The following MOBP variants were observed in gnomAD, a reference collection of about 807,000 sequenced individuals.
MOBP encodes myelin-associated oligodendrocyte basic protein.
Under a neutral mutation model 15.0 loss-of-function variants are expected in MOBP, and 5 were observed. The observed-to-expected ratio is 0.33, with a 90% CI of 0.17 to 0.70. The LOEUF (loss-of-function observed/expected upper bound fraction) is 0.70, where lower values mean the gene tolerates loss of function less well. MOBP is among the 30% of genes least tolerant of loss of function. MOBP has a pLI of 0.67. For missense variants in MOBP, 188 were observed against 257.8 expected (o/e 0.73, Z 1.85); for synonymous variants, 88 against 99.0 (o/e 0.89, Z 0.66).
chr3:39,515,109 C>G (rs1009481027), exon 5 of MOBP: 13 of 152,240 alleles, frequency 8.5e-5, no homozygotes, highest in Non-Finnish European at 7.3e-5. Flanking sequence ...CCCTGAGGAG[C>G]CTGACCACTG....
At position 39,469,069 on chromosome 3, in the gene MOBP, CAT is replaced by C. The variant is rs552643179; in HGVS notation, c.-89+1332_-89+1333del. Among the ~76,000 whole-genome samples, 94 of 35,598 alleles carry C rather than the reference CAT, an allele frequency of 2.6e-3. 24 individuals are homozygous for C. In the South Asian group the frequency reaches 0.032, roughly 12 times the overall value. The allele number at this position is 35,598 out of a possible 152,430, so 23.4% of individuals were successfully genotyped here. ...ATATGTGTGTGTATATACATATATACATATGTGTGTGTGTATATACATATATA... is the reference window on the plus strand; with the variant it reads ...ATATGTGTGTGTATATACATATATACATGTGTGTGTGTATATACATATATA... On this transcript the variant is annotated intron_variant, in intron 1 of 3. Transcript: ENST00000684792.
intron 1 of MOBP, among the ~76,000 whole-genome samples, chr3:39,471,130 TC>T (rs2042463168): frequency 1.2e-5 from 1 of 86,356 alleles, no homozygotes; most frequent in South Asian, 4.5e-4. Context: ...AAAAGAAAAG[TC>T]TTTTTTTTTT....
chr3:39,510,885 T>C (rs1008459356), intron 4 of MOBP, among the ~76,000 whole-genome samples: 1 of 152,256 alleles, frequency 6.6e-6, no homozygotes, highest in Admixed American at 6.5e-5. Flanking sequence ...CTCTCTGGCT[T>C]ATTACAAGGG....
At chr3:39,473,963 A>T (rs998768470) in intron 1 of MOBP, among the ~76,000 whole-genome samples, 2 of 152,236 alleles carry the variant, frequency 1.3e-5, no homozygotes, top group East Asian at 3.8e-4. Context: ...TTACACAAGT[A>T]AAGTGAGCTG....
At chr3:39,500,639 A>ATGAG (rs975182453) in intron 2 of MOBP, among the ~76,000 whole-genome samples, 1 of 152,184 alleles carries the variant, frequency 6.6e-6, no homozygotes, top group Non-Finnish European at 1.5e-5. Context: ...GGGTGCACTG[A>ATGAG]TGAGTGAGTG....
At chr3:39,474,699 CTGTT>C (rs1206764927) in intron 1 of MOBP, among the ~76,000 whole-genome samples, 1 of 152,130 alleles carries the variant, frequency 6.6e-6, no homozygotes, top group Non-Finnish European at 1.5e-5. Context: ...TATAGTATGT[CTGTT>C]TATGTATTGT....
chr3:39,482,155 C>A (rs959870469), intron 2 of MOBP, among the ~76,000 whole-genome samples: 1 of 152,242 alleles, frequency 6.6e-6, no homozygotes, highest in South Asian at 2.1e-4. Flanking sequence ...CTTCCAACAC[C>A]CATCTAGTTG....
exon 5 of MOBP, chr3:39,515,075 A>G (rs1483400297): frequency 6.6e-6 from 1 of 152,196 alleles, no homozygotes; most frequent in Non-Finnish European, 1.5e-5. Flanking sequence ...CTCTCACACA[A>G]AAATACTCGG....
intron 2 of MOBP, among the ~76,000 whole-genome samples, chr3:39,499,262 G>A (rs1474075885): frequency 1.3e-5 from 2 of 152,136 alleles, no homozygotes; most frequent in African/African-American, 4.8e-5. Flanking sequence ...CTTGGGGAAG[G>A]GCTTAGCAGA....
In MOBP at chr3:39,502,999, T is replaced by A. The variant is rs115376156; in HGVS notation, c.*119T>A. ...TTATTACCCAACCTGTGTAATCAGC[T>A]CCCTCCATTAAATCCCCTCTGTTTG... On this transcript the variant is annotated 3_prime_UTR_variant, in exon 4 of 4. Transcript: ENST00000684792. The surrounding 1 kb of genome is among the most constrained non-coding windows in gnomAD (Gnocchi z 6.3). The A allele has an allele frequency of 1.7e-3, 1,009 of 584,038 alleles. 9 individuals are homozygous for A. The highest frequency in any genetic ancestry group is 0.016 in the African/African-American group (850 of 52,692). 36.2% of individuals were successfully genotyped at this position (584,038 alleles called of 1,614,324 possible). A position where few individuals can be genotyped will look rare whatever the true frequency, so the allele number is the denominator to read the frequency against.
At chr3:39,520,549 T>TGTGTGTGTGG (rs2043252854), downstream of MOBP, among the ~76,000 whole-genome samples, 1 of 139,388 alleles carries the variant, frequency 7.2e-6, no homozygotes, top group African/African-American at 3.1e-5. Flanking sequence ...TGTGTGTGTG[T>TGTGTGTGTGG]GTGTGTGTAT....
intron 2 of MOBP, among the ~76,000 whole-genome samples, chr3:39,500,800 A>G (rs887581011): frequency 2.6e-5 from 4 of 152,268 alleles, no homozygotes; most frequent in Non-Finnish European, 5.9e-5. Context: ...TGAGTATGTT[A>G]AAAGCTGACA....
intron 2 of MOBP, among the ~76,000 whole-genome samples, chr3:39,482,651 CAAAAAAAA>C (rs10576821): frequency 1.2e-5 from 1 of 80,400 alleles, no homozygotes; most frequent in Non-Finnish European, 2.5e-5. Flanking sequence ...CACTCTGTCT[CAAAAAAAA>C]AAAAAAAAAA....
chr3:39,522,655 ATAAT>A (rs2125676370), intron 3 of MOBP, among the ~76,000 whole-genome samples: 1 of 152,364 alleles, frequency 6.6e-6, no homozygotes, highest in South Asian at 2.1e-4. Flanking sequence ...TTTAAAAAAG[ATAAT>A]TATAATAGTA....
intron 2 of MOBP, among the ~76,000 whole-genome samples, chr3:39,493,142 T>C (rs1179378789): frequency 6.6e-6 from 1 of 152,122 alleles, no homozygotes; most frequent in East Asian, 1.9e-4. Flanking sequence ...TCAGAAAAGA[T>C]GATAAAAAGA....
At chr3:39,469,504 A>G (rs1488199812) in intron 1 of MOBP, among the ~76,000 whole-genome samples, 1 of 152,062 alleles carries the variant, frequency 6.6e-6, no homozygotes, top group Non-Finnish European at 1.5e-5. Flanking sequence ...GATTTCATCA[A>G]TTGTCCAAGG....
exon 5 of MOBP, chr3:39,514,051 G>A (rs1457752539): frequency 6.6e-6 from 1 of 152,236 alleles, no homozygotes; most frequent in African/African-American, 2.4e-5. Flanking sequence ...GAGTGTAGGA[G>A]TTGTCTAAAT....
Position 39,502,818 on chromosome 3 carries a change from C to G in MOBP, c.490C>G (p.Pro164Ala), listed in dbSNP as rs567921768. 2 of 1,530,772 alleles carry G rather than the reference C, an allele frequency of 1.3e-6. No individual in the cohort carries two copies. The highest frequency in any genetic ancestry group is 2.7e-5 in the African/African-American group (2 of 73,108). 94.8% of individuals were successfully genotyped at this position (1,530,772 alleles called of 1,614,324 possible). ...GTCCAAGCAACAGCCGCGCAGCAGC[C>G]CCCTCAGAGGGCCAGGCGCCAGCCG... ...QKSKQQPRSS[P>A]LRGPGASRGG... is the part of the protein sequence containing the mutation. Residue 164 changes from proline (P) to alanine (A), a missense_variant, in exon 4 of 4, where the codon CCC (proline) becomes GCC (alanine). By Grantham distance (27) the Pro-to-Ala change is conservative (BLOSUM62 -1). This residue lies in a region of MOBP where 55 missense variants were observed against 45.2 expected (regional missense o/e 1.22). Transcript: ENST00000684792. The surrounding 1 kb of genome is among the most constrained non-coding windows in gnomAD (Gnocchi z 6.3).
chr3:39,474,454 A>G (rs1051472770), intron 1 of MOBP, among the ~76,000 whole-genome samples: 1 of 152,256 alleles, frequency 6.6e-6, no homozygotes, highest in African/African-American at 2.4e-5. Flanking sequence ...TAGATGGTAC[A>G]GGCTACTTAA....
Sources: gnomAD v4.1 joint callset for allele counts (sites outside exome capture counted in the v4.1 genomes callset) on GRCh38, gnomAD v4.1.1 for gene constraint, gnomAD v4.1.1 regional missense constraint, Gnocchi (gnomAD v3.1) non-coding constraint, MANE v1.5 for transcripts, NCBI Gene and HGNC (gene_info 2026-07-23, HGNC 2026-07-21) for gene names.